The following BRD2 variants were observed in gnomAD, a reference collection of about 807,000 sequenced individuals.
BRD2 encodes the protein bromodomain containing 2, also known as bromodomain-containing protein 2.
BRD2 carries 15 observed loss-of-function variants against 79.1 expected under a neutral mutation model. The observed-to-expected ratio is 0.19, with a 90% CI of 0.13 to 0.29. BRD2 has a LOEUF of 0.29. BRD2 is among the 10% of genes least tolerant of loss of function. The pLI is 1.00. For missense variants in BRD2, 1,053 were observed against 991.3 expected (o/e 1.06, Z -0.84); for synonymous variants, 488 against 358.6 (o/e 1.36, Z -4.08).
intron 3 of BRD2, 99 bp from the exon 4 acceptor site, chr6:32,975,285 G>GTGTGTGTGT (rs1554143939): frequency 2.0e-5 from 14 of 692,722 alleles, no homozygotes; most frequent in Admixed American, 1.2e-4. Flanking sequence ...GCATAGGGGG[G>GTGTGTGTGT]GTGTGTGTGT....
In BRD2 at chr6:32,976,451, A is replaced by T. The variant is rs1409117584; in HGVS notation, c.812A>T (p.Gln271Leu). ...GCTGTTACTGCAGCTCCTCCAGCCC[A>T]GCCCCTTGCCAAGGTATGATCTGTG... ...LLAVTAAPPAQPLAKKKGVKR... is the reference protein window; with the variant it reads ...LLAVTAAPPALPLAKKKGVKR... The change falls in exon 6 of 13, where the codon CAG (glutamine) becomes CTG (leucine). Residue 271 changes from glutamine to leucine, a missense_variant. Gln to Leu is a moderately radical substitution (Grantham distance 113). Transcript: ENST00000374825. 6.2e-7 allele frequency: 1 copy of T among 1,609,868 alleles called. No individual in the cohort carries two copies. Among genetic ancestry groups the T allele is most frequent in the South Asian group, 1.1e-5 (1 of 91,066 alleles).
chr6:32,977,653 G>A, intron 8 of BRD2, 83 bp downstream of exon 8: 1 of 1,601,914 alleles, frequency 6.2e-7, no homozygotes, highest in Non-Finnish European at 8.5e-7. Context: ...CAACGTGAGG[G>A]TCTCACTGTT....
In BRD2 at chr6:32,971,744, T is replaced by G; in HGVS notation, c.-1155T>G. The G allele has an allele frequency of 1.7e-6, 1 of 580,322 alleles. No homozygotes were observed. The highest frequency in any genetic ancestry group is 3.0e-6 in the Non-Finnish European group (1 of 328,182). 35.9% of individuals were successfully genotyped at this position (580,322 alleles called of 1,614,324 possible). A position where few individuals can be genotyped will look rare whatever the true frequency, so the allele number is the denominator to read the frequency against. On this transcript the variant is annotated 5_prime_UTR_variant, in exon 2 of 13. Transcript: ENST00000374825. Reference sequence around the variant, plus strand: ...TGGAGGAGCTACGAATGGCACGACCTGCTCGAGCTTGGCAGTCTCCAGTTG... The same window carrying G: ...TGGAGGAGCTACGAATGGCACGACCGGCTCGAGCTTGGCAGTCTCCAGTTG...
At position 32,980,836 on chromosome 6, in the gene BRD2, C is replaced by A. The variant is rs973551071; in HGVS notation, c.*118C>A. ...TCTTCATCTCACCCCCCCCCGCCCC[C>A]CTCTAGGAGAGCTGGCTCTGCAGTG... On this transcript the variant is annotated 3_prime_UTR_variant, in exon 13 of 13. Transcript: ENST00000374825. 1 of 1,256,388 alleles carries A rather than the reference C, an allele frequency of 8.0e-7. No homozygotes were observed. Among genetic ancestry groups the A allele is most frequent in the Non-Finnish European group, 1.1e-6 (1 of 902,264 alleles). 77.8% of individuals were successfully genotyped at this position (1,256,388 alleles called of 1,614,324 possible).
intron 2 of BRD2, among the ~76,000 whole-genome samples, chr6:32,973,368 G>A (rs952967088): frequency 6.6e-6 from 1 of 152,118 alleles, no homozygotes; most frequent in Non-Finnish European, 1.5e-5. Context: ...CCAGAGAAGG[G>A]TAAAGGGATC....
In BRD2 at chr6:32,980,864, G is replaced by A; in HGVS notation, c.*146G>A. On this transcript the variant is annotated 3_prime_UTR_variant, in exon 13 of 13. Coordinates refer to ENST00000374825, the MANE Select transcript of BRD2 (RefSeq NM_005104.4). ...CTAGGAGAGCTGGCTCTGCAGTGGG[G>A]GAGGGATGCAGGGACATTTACTGAA... 1 of 968,534 alleles carries A rather than the reference G, an allele frequency of 1.0e-6. No homozygotes were observed. The highest frequency in any genetic ancestry group is 1.5e-6 in the Non-Finnish European group (1 of 660,562). The allele number at this position is 968,534 out of a possible 1,614,324, so 60.0% of individuals were successfully genotyped here. A position where few individuals can be genotyped will look rare whatever the true frequency, so the allele number is the denominator to read the frequency against.
rs1778027938 is a variant in BRD2 at position 32,971,900 on chromosome 6, C to T, written c.-999C>T. ...TCCCTGGAGTCGGCGGACCACAGCTCAGCCAATTGGCTTGGAGATGTGGCG... is the reference window on the plus strand; with the variant it reads ...TCCCTGGAGTCGGCGGACCACAGCTTAGCCAATTGGCTTGGAGATGTGGCG... On this transcript the variant is annotated 5_prime_UTR_variant, in exon 2 of 13. The change creates a premature stop within an existing upstream ORF in the 5' untranslated region. Coordinates refer to ENST00000374825, the MANE Select transcript of BRD2 (RefSeq NM_005104.4). 4.3e-6 allele frequency: 3 copies of T among 702,808 alleles called. No individual in the cohort carries two copies. The highest frequency in any genetic ancestry group is 5.2e-6 in the Non-Finnish European group (2 of 384,950). 43.5% of individuals were successfully genotyped at this position (702,808 alleles called of 1,614,324 possible).
chr6:32,980,928 C>T lies in BRD2; in HGVS notation c.*210C>T. On this transcript the variant is annotated 3_prime_UTR_variant, in exon 13 of 13. Coordinates refer to ENST00000374825, the MANE Select transcript of BRD2 (RefSeq NM_005104.4). ...CAAAACAACATTGAATTCCCAGCCC[C>T]ATTGGGGAGTGATCTCTTGGACACA... The T allele has an allele frequency of 1.6e-6, 1 of 617,956 alleles. No individual in the cohort carries two copies. 38.3% of individuals were successfully genotyped at this position (617,956 alleles called of 1,614,324 possible).
rs774386368 is a variant in BRD2, at chr6:32,979,817, T to C, written c.1842-11T>C. 12 of 1,605,692 alleles carry C rather than the reference T, an allele frequency of 7.5e-6. No individual in the cohort carries two copies. In the East Asian group the frequency reaches 2.2e-4, roughly 30 times the overall value. ...GAAGCTTCTTTTGCTGACAACTCTT[T>C]TTGCCCTTAGGCTCCCCAAAAAGGC... On this transcript the variant is annotated splice_polypyrimidine_tract_variant and intron_variant, in intron 10 of 12. Transcript: ENST00000374825.
chr6:32,980,003 G>A lies in BRD2; in HGVS notation c.2017G>A (p.Glu673Lys). 1 of 1,613,138 alleles carries A rather than the reference G, an allele frequency of 6.2e-7. No homozygotes were observed. The highest frequency in any genetic ancestry group is 8.5e-7 in the Non-Finnish European group (1 of 1,180,038). Residue 673 changes from glutamate (E) to lysine (K), a missense_variant, in exon 11 of 13, where the codon GAG (glutamate) becomes AAG (lysine). Physicochemically the swap from Glu to Lys is moderately conservative, Grantham distance 56. Coordinates refer to ENST00000374825, the MANE Select transcript of BRD2 (RefSeq NM_005104.4). ...AGTTGTGCATATAATCCAAGCCAGG[G>A]AGCCCTCTTTACGTGATTCAAACCC... Reference protein sequence around the residue: ...GRVVHIIQAREPSLRDSNPEE... With the variant: ...GRVVHIIQARKPSLRDSNPEE...
rs756205675 is a variant in BRD2, at chr6:32,978,112, T to C, written c.1579-14T>C. 6.3e-7 allele frequency: 1 copy of C among 1,591,620 alleles called. No individual in the cohort carries two copies. The highest frequency in any genetic ancestry group is 1.1e-5 in the South Asian group (1 of 87,748). ...TTTATTTACTTTTTCCACTTCATGT[T>C]TTTTTTCCTTTAGCTTCGGGCAGTA... On this transcript the variant is annotated splice_polypyrimidine_tract_variant and intron_variant, in intron 9 of 12. Transcript: ENST00000374825.
rs1262681711 is a variant in BRD2, at chr6:32,976,050, T to C, written c.491T>C (p.Leu164Pro). 4 of 1,610,628 alleles carry C rather than the reference T, an allele frequency of 2.5e-6. No individual in the cohort carries two copies. The change falls in exon 5 of 13, where the codon CTA becomes CCA. Residue 164 changes from leucine to proline, a missense_variant. By Grantham distance (98) the Leu-to-Pro change is moderately conservative (BLOSUM62 -3). This residue lies in a region of BRD2 where 413 missense variants were observed against 335.1 expected (regional missense o/e 1.23). Transcript: ENST00000374825. ...TCATAGCCCACTGATGATATTGTCCTAATGGCACAAACGCTGGAAAAGATA... is the reference window on the plus strand; with the variant it reads ...TCATAGCCCACTGATGATATTGTCCCAATGGCACAAACGCTGGAAAAGATA... ...IYNKPTDDIV[L>P]MAQTLEKIFL... is the part of the protein sequence containing the mutation.
rs1779467371 is a variant in BRD2, at chr6:32,980,926, C to A, written c.*208C>A. On this transcript the variant is annotated 3_prime_UTR_variant, in exon 13 of 13. Transcript: ENST00000374825. ...GACAAAACAACATTGAATTCCCAGC[C>A]CCATTGGGGAGTGATCTCTTGGACA... is the stretch of plus-strand genomic sequence containing the variant. 1.6e-6 allele frequency: 1 copy of A among 622,744 alleles called. No homozygotes were observed. Among genetic ancestry groups the A allele is most frequent in the Non-Finnish European group, 2.8e-6 (1 of 361,816 alleles). 38.6% of individuals were successfully genotyped at this position (622,744 alleles called of 1,614,324 possible). A position where few individuals can be genotyped will look rare whatever the true frequency, so the allele number is the denominator to read the frequency against.
At chr6:32,977,606 T>C in intron 8 of BRD2, 36 bp downstream of exon 8, 3 of 1,610,766 alleles carry the variant, frequency 1.9e-6, no homozygotes, top group African/African-American at 2.7e-5. Context: ...AAATAAATGG[T>C]ATGGGGAGTT....
chr6:32,971,065 T>C (rs1404042783), intron 1 of BRD2: 4 of 145,982 alleles, frequency 2.7e-5, no homozygotes, highest in African/African-American at 7.6e-5. Flanking sequence ...GGTGTGCCTT[T>C]GGGGGTGATG....
intron 3 of BRD2, 140 bp from the exon 4 acceptor site, chr6:32,975,244 G>A: frequency 8.8e-7 from 1 of 1,141,674 alleles, no homozygotes; most frequent in Non-Finnish European, 1.2e-6. Context: ...AGTTTAATTG[G>A]GGCCGCAGTT....
intron 3 of BRD2, 157 bp downstream of exon 3, chr6:32,974,922 T>C (rs1021292069): frequency 4.3e-6 from 6 of 1,396,524 alleles, no homozygotes; most frequent in Non-Finnish European, 5.9e-6. Context: ...CTTGGTCCTT[T>C]GTGATTGATC....
chr6:32,977,645 A>G, intron 8 of BRD2, 75 bp downstream of exon 8: 2 of 1,602,908 alleles, frequency 1.2e-6, no homozygotes, highest in Non-Finnish European at 1.7e-6. Context: ...CATAGCCTCA[A>G]CGTGAGGGTC....
rs1778911892 is a variant in BRD2, at chr6:32,977,424, T to C, written c.1201-18T>C. 1 of 1,613,790 alleles carries C rather than the reference T, an allele frequency of 6.2e-7. No homozygotes were observed. The highest frequency in any genetic ancestry group is 8.5e-7 in the Non-Finnish European group (1 of 1,180,030). ...GTCTTCCTGCCTGTGCAGCTTCTGA[T>C]GCTGCCTCCTTCTGCAGCGGAAGAT... On this transcript the variant is annotated intron_variant, in intron 7 of 12. Coordinates refer to ENST00000374825, the MANE Select transcript of BRD2 (RefSeq NM_005104.4).
Sources: allele counts gnomAD v4.1 joint callset (sites outside exome capture counted in the v4.1 genomes callset), GRCh38; gene constraint gnomAD v4.1.1; regional missense constraint gnomAD v4.1.1; transcripts MANE v1.5; gene names NCBI Gene and HGNC (gene_info 2026-07-23, HGNC 2026-07-21).